The following ABTB3 variants were observed in gnomAD, a reference collection of about 807,000 sequenced individuals.
The protein encoded by ABTB3 is ankyrin repeat and BTB domain containing 3, also known as ankyrin repeat- and BTB/POZ domain-containing protein 3.
the ABTB3 span, chr12:107,618,487 T>C: frequency 1.1e-6 from 1 of 928,234 alleles, no homozygotes; most frequent in Non-Finnish European, 1.6e-6. Context: ...AACACGCACA[T>C]GCACACACAC....
chr12:107,635,870 C>CCACACACA, the ABTB3 span, among the ~76,000 whole-genome samples: 5 of 115,156 alleles, frequency 4.3e-5, no homozygotes, highest in Admixed American at 9.4e-5. Context: ...CCCCACCCAC[C>CCACACACA]CACACACACA....
the ABTB3 span, among the ~76,000 whole-genome samples, chr12:107,389,226 A>C: frequency 2.2e-4 from 34 of 152,266 alleles, no homozygotes; most frequent in African/African-American, 8.0e-4. Context: ...AAATTAAACA[A>C]AAACTCTTTA....
At chr12:107,516,474 C>T in the ABTB3 span, among the ~76,000 whole-genome samples, 11 of 152,044 alleles carry the variant, frequency 7.2e-5, no homozygotes, top group South Asian at 2.1e-4. Flanking sequence ...TCAGGTGATC[C>T]GCCCACCTCG....
chr12:107,551,556 T>A, the ABTB3 span, among the ~76,000 whole-genome samples: 1 of 152,234 alleles, frequency 6.6e-6, no homozygotes, highest in African/African-American at 2.4e-5. Flanking sequence ...CTGATAAATC[T>A]GGCCCACTGT....
chr12:107,431,164 G>A, the ABTB3 span, among the ~76,000 whole-genome samples: 1 of 152,252 alleles, frequency 6.6e-6, no homozygotes, highest in African/African-American at 2.4e-5. Flanking sequence ...TCTGTGCTGA[G>A]AAAAGGTCTC....
chr12:107,590,078 T>A, the ABTB3 span, among the ~76,000 whole-genome samples: 1 of 152,108 alleles, frequency 6.6e-6, no homozygotes, highest in Non-Finnish European at 1.5e-5. Flanking sequence ...CCTGGTTAAT[T>A]CTTGTATTTT....
At chr12:107,558,640 T>C in the ABTB3 span, among the ~76,000 whole-genome samples, 1 of 152,236 alleles carries the variant, frequency 6.6e-6, no homozygotes, top group East Asian at 1.9e-4. Flanking sequence ...CGTGAAAGAT[T>C]TGCTGACCTG....
At chr12:107,604,206 T>C in the ABTB3 span, among the ~76,000 whole-genome samples, 11 of 151,762 alleles carry the variant, frequency 7.2e-5, no homozygotes, top group African/African-American at 2.7e-4. Flanking sequence ...GGTGGCACTT[T>C]GGGAGGCCGA....
the ABTB3 span, among the ~76,000 whole-genome samples, chr12:107,367,687 T>C: frequency 1.3e-5 from 2 of 152,062 alleles, no homozygotes; most frequent in African/African-American, 4.8e-5. Context: ...TGTATTTTAG[T>C]AGAGACGGGA....
the ABTB3 span, among the ~76,000 whole-genome samples, chr12:107,424,421 C>A: frequency 2.6e-5 from 4 of 152,174 alleles, no homozygotes; most frequent in Non-Finnish European, 4.4e-5. Flanking sequence ...CTTGGAGATG[C>A]GGAGTGGATT....
chr12:107,352,149 G>A, the ABTB3 span, among the ~76,000 whole-genome samples: 165 of 152,324 alleles, frequency 1.1e-3, 2 homozygotes, highest in Middle Eastern at 0.01. Flanking sequence ...ATGACACTGG[G>A]TGAAGAGGGC....
chr12:107,422,270 G>T, the ABTB3 span, among the ~76,000 whole-genome samples: 1 of 152,158 alleles, frequency 6.6e-6, no homozygotes, highest in Non-Finnish European at 1.5e-5. Context: ...CTGAGTGAGC[G>T]AGGACAAGAG....
chr12:107,329,915 C>G, the ABTB3 span, among the ~76,000 whole-genome samples: 1 of 152,314 alleles, frequency 6.6e-6, no homozygotes, highest in East Asian at 1.9e-4. Flanking sequence ...AAATTTACAA[C>G]TGGTGACATG....
chr12:107,633,111 G>A, the ABTB3 span, among the ~76,000 whole-genome samples: 6 of 152,206 alleles, frequency 3.9e-5, no homozygotes, highest in African/African-American at 1.2e-4. Flanking sequence ...CTATGCTCTT[G>A]AATGTTTGTC....
At chr12:107,605,500 T>C in the ABTB3 span, among the ~76,000 whole-genome samples, 1 of 152,144 alleles carries the variant, frequency 6.6e-6, no homozygotes, top group African/African-American at 2.4e-5. Flanking sequence ...GGAAAGCCAC[T>C]GCCTCTTGAA....
At chr12:107,500,151 T>C in the ABTB3 span, among the ~76,000 whole-genome samples, 2 of 152,116 alleles carry the variant, frequency 1.3e-5, no homozygotes, top group African/African-American at 2.4e-5. Flanking sequence ...AGCCAAACCA[T>C]ATCACCCTGG....
the ABTB3 span, chr12:107,617,850 G>A: frequency 2.4e-6 from 1 of 422,196 alleles, no homozygotes; most frequent in East Asian, 4.2e-5. Context: ...ACCCCAAGCA[G>A]AGCACATTCA....
chr12:107,526,402 A>T, the ABTB3 span, among the ~76,000 whole-genome samples: 2 of 152,108 alleles, frequency 1.3e-5, no homozygotes, highest in Non-Finnish European at 2.9e-5. Flanking sequence ...TGAACCAGTG[A>T]GTAGGGCTGG....
chr12:107,526,250 G>A, the ABTB3 span, among the ~76,000 whole-genome samples: 6 of 152,138 alleles, frequency 3.9e-5, no homozygotes, highest in Admixed American at 2.6e-4. Context: ...AATATTTCAC[G>A]GGTAAGCTAA....
Sources: allele counts gnomAD v4.1 joint callset (sites outside exome capture counted in the v4.1 genomes callset), GRCh38; gene constraint gnomAD v4.1.1; transcripts MANE v1.5; gene names NCBI Gene and HGNC (gene_info 2026-07-23, HGNC 2026-07-21).